The following AIDA variants were observed in gnomAD, a reference collection of about 807,000 sequenced individuals.
AIDA encodes the protein axin interactor, dorsalization-associated protein.
A neutral mutation model predicts 42.7 loss-of-function variants in AIDA; 18 were observed. The ratio of observed to expected loss-of-function variants is 0.42; its 90% CI spans 0.29 to 0.63. The LOEUF is 0.63. Among genes scored for constraint, AIDA ranks in the 20% least tolerant of loss-of-function variants. AIDA has a pLI of 0.19. For missense variants in AIDA, 250 were observed against 354.1 expected, an observed-to-expected ratio of 0.71 and a Z score of 2.36; for synonymous variants, 104 against 122.9, an observed-to-expected ratio of 0.85 and a Z score of 1.02.
chr1:222,694,721 G>A (rs181947695), intron 2 of AIDA, among the ~76,000 whole-genome samples: 2 of 152,336 alleles, frequency 1.3e-5, no homozygotes, highest in East Asian at 3.9e-4. Flanking sequence ...ACTGGTATTT[G>A]TGATAAACGG....
At chr1:222,677,548 T>C (rs1664574509) in intron 6 of AIDA, among the ~76,000 whole-genome samples, 1 of 152,206 alleles carries the variant, frequency 6.6e-6, no homozygotes, top group African/African-American at 2.4e-5. Flanking sequence ...AGGCGCTAAA[T>C]GTCATTACAG....
intron 4 of AIDA, among the ~76,000 whole-genome samples, chr1:222,688,686 G>C (rs1225772489): frequency 4.6e-5 from 7 of 151,474 alleles, no homozygotes; most frequent in Non-Finnish European, 8.8e-5. Flanking sequence ...TGCAACCTCT[G>C]CCTCTCAGGT....
At chr1:222,698,448 A>G (rs954457700) in intron 2 of AIDA, among the ~76,000 whole-genome samples, 2 of 127,374 alleles carry the variant, frequency 1.6e-5, no homozygotes, top group Non-Finnish European at 3.3e-5. Flanking sequence ...TTATTCATCA[A>G]TTTTTTTTTT....
intron 6 of AIDA, among the ~76,000 whole-genome samples, chr1:222,682,930 T>C (rs1664678422): frequency 6.6e-6 from 1 of 152,212 alleles, no homozygotes; most frequent in African/African-American, 2.4e-5. Context: ...CAGGTCATAG[T>C]GATACCATTT....
chr1:222,708,140 C>G (rs929869008), intron 1 of AIDA, among the ~76,000 whole-genome samples: 4 of 151,902 alleles, frequency 2.6e-5, no homozygotes, highest in African/African-American at 9.7e-5. Flanking sequence ...GAAACCCCGT[C>G]TCTACTAAAA....
At position 222,676,219 on chromosome 1, in the gene AIDA, C is replaced by T. The variant is rs1483526647; in HGVS notation, c.461-1G>A. ...GATGGCAACCTTGGTAATAAAGTAC[C>T]TGGCAACAGAGAAAAAGCAATAAAA... is the stretch of plus-strand genomic sequence containing the variant. On this transcript the variant is annotated splice_acceptor_variant, in intron 6 of 9. Coordinates refer to ENST00000340020, the MANE Select transcript of AIDA (RefSeq NM_022831.4). LOFTEE classifies it high-confidence loss of function. 1 of 1,604,184 alleles carries T rather than the reference C, an allele frequency of 6.2e-7. No homozygotes were observed. Among genetic ancestry groups the T allele is most frequent in the African/African-American group, 1.3e-5 (1 of 74,202 alleles).
chr1:222,686,891 G>A (rs1655209802), intron 6 of AIDA, 39 bp downstream of exon 6: 1 of 1,591,070 alleles, frequency 6.3e-7, no homozygotes, highest in Non-Finnish European at 8.5e-7. Context: ...GACTCTGGTT[G>A]CAGTTAAATA....
intron 6 of AIDA, among the ~76,000 whole-genome samples, chr1:222,680,446 T>C (rs1265726902): frequency 6.6e-6 from 1 of 152,182 alleles, no homozygotes; most frequent in Non-Finnish European, 1.5e-5. Context: ...AGAAGAGGTA[T>C]GAGCTAGGAG....
At chr1:222,710,488 G>A (rs1334646733) in intron 1 of AIDA, among the ~76,000 whole-genome samples, 2 of 152,222 alleles carry the variant, frequency 1.3e-5, no homozygotes, top group Non-Finnish European at 2.9e-5. Flanking sequence ...GCTGCCCAGT[G>A]TCAACAGCTG....
rs1664404399 is a variant in AIDA, at chr1:222,669,405, GGCA to G, written c.*485_*487del. The G allele has an allele frequency of 6.4e-6, 1 of 157,242 alleles. No individual in the cohort carries two copies. The highest frequency in any genetic ancestry group is 6.0e-5 in the Admixed American group (1 of 16,722). The allele number at this position is 157,242 out of a possible 1,614,324, so 9.7% of individuals were successfully genotyped here. On this transcript the variant is annotated 3_prime_UTR_variant, in exon 10 of 10. Transcript: ENST00000340020. ...ATAAACATCCAGACAGACCTTCTTA[GGCA>G]GCAGAACTGGTCCCATTCCTCTCAA...
intron 7 of AIDA, 138 bp downstream of exon 7, chr1:222,675,958 G>T: frequency 1.1e-6 from 1 of 880,370 alleles, no homozygotes; most frequent in African/African-American, 1.7e-5. Flanking sequence ...CAGGGACTTT[G>T]CCTCATGATA....
intron 1 of AIDA, among the ~76,000 whole-genome samples, chr1:222,709,860 C>T (rs1166415554): frequency 1.3e-5 from 2 of 152,124 alleles, no homozygotes; most frequent in African/African-American, 2.4e-5. Context: ...GTATCCCTAA[C>T]CCTTAGTTGT....
At position 222,668,396 on chromosome 1, in the gene AIDA, C is replaced by A. The variant is rs1664381377; in HGVS notation, c.*1497G>T. 1 of 106,558 alleles carries A rather than the reference C, an allele frequency of 9.4e-6. No homozygotes were observed. The highest frequency in any genetic ancestry group is 1.1e-4 in the Admixed American group (1 of 9,322). The allele number at this position is 106,558 out of a possible 1,614,324, so 6.6% of individuals were successfully genotyped here. On this transcript the variant is annotated 3_prime_UTR_variant, in exon 10 of 10. Coordinates refer to ENST00000340020, the MANE Select transcript of AIDA (RefSeq NM_022831.4). Reference sequence around the variant, plus strand: ...GCAAAGTAAGGCAAATTCTTCATCCCCTAGAGCTATTGTGGACTGAATCAT... The same window carrying A: ...GCAAAGTAAGGCAAATTCTTCATCCACTAGAGCTATTGTGGACTGAATCAT...
chr1:222,709,127 T>TA (rs1395665881), intron 1 of AIDA, among the ~76,000 whole-genome samples: 1 of 151,924 alleles, frequency 6.6e-6, no homozygotes, highest in East Asian at 1.9e-4. Context: ...ACAAAACAAA[T>TA]ACAGAAAATG....
chr1:222,699,417 T>A (rs1456075571), intron 2 of AIDA, among the ~76,000 whole-genome samples: 1 of 152,214 alleles, frequency 6.6e-6, no homozygotes, highest in Non-Finnish European at 1.5e-5. Context: ...AAATTTCCCA[T>A]AATATGTTTC....
intron 4 of AIDA, among the ~76,000 whole-genome samples, chr1:222,691,152 G>A (rs894565378): frequency 2.0e-5 from 3 of 152,186 alleles, no homozygotes; most frequent in Non-Finnish European, 4.4e-5. Flanking sequence ...CATGACCTAG[G>A]ATGAGAGGAA....
intron 6 of AIDA, among the ~76,000 whole-genome samples, chr1:222,686,704 C>T (rs1655196085): frequency 1.3e-5 from 2 of 152,190 alleles, no homozygotes; most frequent in South Asian, 4.1e-4. Flanking sequence ...GTGAGTTGTC[C>T]TAGTGAATCA....
chr1:222,669,071 T>C lies in AIDA; in HGVS notation c.*822A>G, dbSNP rs1388478596. Reference sequence around the variant, plus strand: ...GTATCTCGTTAGCATCTGACTCAATTATTTTTAGATTACATTGTTTAGAAG... The same window carrying C: ...GTATCTCGTTAGCATCTGACTCAATCATTTTTAGATTACATTGTTTAGAAG... On this transcript the variant is annotated 3_prime_UTR_variant, in exon 10 of 10. Transcript: ENST00000340020. The C allele has an allele frequency of 6.6e-6, 1 of 152,010 alleles. No individual in the cohort carries two copies. The highest frequency in any genetic ancestry group is 1.5e-5 in the Non-Finnish European group (1 of 68,012). 9.4% of individuals were successfully genotyped at this position (152,010 alleles called of 1,614,324 possible).
At position 222,689,516 on chromosome 1, in the gene AIDA, T is replaced by TAC. The variant is rs1349791368; in HGVS notation, c.290-1859_290-1858insGT. ...ATATATATATATATATATATATATA[T>TAC]ATATACACACATACACACACACACA... On this transcript the variant is annotated intron_variant, in intron 4 of 9. Coordinates refer to ENST00000340020, the MANE Select transcript of AIDA (RefSeq NM_022831.4). Among the ~76,000 whole-genome samples the TAC allele has an allele frequency of 4.5e-3, 333 of 74,028 alleles. 4 individuals carry two copies. Among genetic ancestry groups the TAC allele is most frequent in the Non-Finnish European group, 7.4e-3 (280 of 37,606 alleles). 48.6% of individuals were successfully genotyped at this position (74,028 alleles called of 152,430 possible). A position where few individuals can be genotyped will look rare whatever the true frequency, so the allele number is the denominator to read the frequency against.
Sources: gnomAD v4.1 joint callset for allele counts (sites outside exome capture counted in the v4.1 genomes callset) on GRCh38, gnomAD v4.1.1 for gene constraint, MANE v1.5 for transcripts, NCBI Gene and HGNC (gene_info 2026-07-23, HGNC 2026-07-21) for gene names.